Variants in AUTS2 observed in about 807,000 individuals in gnomAD.
AUTS2 encodes the protein activator of transcription and developmental regulator AUTS2.
Under a neutral mutation model 112.4 loss-of-function variants are expected in AUTS2, and 17 were observed. The observed-to-expected ratio is 0.15, with a 90% CI of 0.10 to 0.23. AUTS2 has a LOEUF of 0.23. Ranked by LOEUF, AUTS2 falls within the 10% of genes least tolerant of loss-of-function variation. The pLI is 1.00. For synonymous variants in AUTS2, 751 were observed against 702.7 expected, an observed-to-expected ratio of 1.07 and a Z score of -1.09; for missense variants, 1,510 against 1,701.6, an observed-to-expected ratio of 0.89 and a Z score of 1.98.
intron 4 of AUTS2, among the ~76,000 whole-genome samples, chr7:70,282,411 G>C (rs1216366510): frequency 6.6e-6 from 1 of 152,088 alleles, no homozygotes; most frequent in Non-Finnish European, 1.5e-5. Flanking sequence ...GTGGAGGCTG[G>C]GAATTACAAG....
At chr7:69,659,518 T>TA (rs1795691918) in intron 1 of AUTS2, among the ~76,000 whole-genome samples, 1 of 150,068 alleles carries the variant, frequency 6.7e-6, no homozygotes, top group East Asian at 2.0e-4. Flanking sequence ...GATGGATACT[T>TA]ACAACAGCTC....
At chr7:70,051,305 C>T (rs1362479815) in intron 2 of AUTS2, among the ~76,000 whole-genome samples, 1 of 152,158 alleles carries the variant, frequency 6.6e-6, no homozygotes, top group Non-Finnish European at 1.5e-5. Context: ...AAATCTGTAA[C>T]AGTTTTCTTA....
At chr7:70,783,399 T>A (rs1791222255) in intron 15 of AUTS2, 1 of 149,172 alleles carries the variant, frequency 6.7e-6, no homozygotes, top group Non-Finnish European at 1.5e-5. Flanking sequence ...TGGCTTCCTC[T>A]CCAAACCCAG....
At chr7:70,604,804 T>C (rs1803647749) in intron 5 of AUTS2, among the ~76,000 whole-genome samples, 1 of 152,226 alleles carries the variant, frequency 6.6e-6, no homozygotes, top group African/African-American at 2.4e-5. Flanking sequence ...CCATGTGGCA[T>C]CTAGCTGCAA....
intron 1 of AUTS2, among the ~76,000 whole-genome samples, chr7:69,703,542 A>T (rs1278660162): frequency 1.3e-5 from 2 of 152,190 alleles, no homozygotes; most frequent in Non-Finnish European, 2.9e-5. Flanking sequence ...TCAAGCCTAG[A>T]TTTAGAGCTG....
chr7:70,258,776 G>T (rs916708997), intron 4 of AUTS2, among the ~76,000 whole-genome samples: 3 of 152,166 alleles, frequency 2.0e-5, no homozygotes, highest in African/African-American at 2.4e-5. Context: ...CTTCAAAAGT[G>T]ACTAGAAACC....
At chr7:70,652,079 T>C (rs1806537830) in intron 5 of AUTS2, among the ~76,000 whole-genome samples, 1 of 152,286 alleles carries the variant, frequency 6.6e-6, no homozygotes, top group African/African-American at 2.4e-5. Context: ...CTGTGTCTAT[T>C]TGGAAAGCTG....
chr7:70,783,798 G>T (rs368586384), intron 15 of AUTS2: 1 of 152,058 alleles, frequency 6.6e-6, no homozygotes, highest in Non-Finnish European at 1.5e-5. Flanking sequence ...CAAATCTCTC[G>T]TCTAGGACAA....
At chr7:69,728,817 C>G (rs1192741415) in intron 1 of AUTS2, among the ~76,000 whole-genome samples, 1 of 151,762 alleles carries the variant, frequency 6.6e-6, no homozygotes, top group Non-Finnish European at 1.5e-5. Flanking sequence ...TCAAAGATAG[C>G]AGAGCTTTAA....
intron 4 of AUTS2, among the ~76,000 whole-genome samples, chr7:70,299,146 A>G (rs965017608): frequency 2.0e-5 from 3 of 152,208 alleles, no homozygotes; most frequent in Admixed American, 6.5e-5. Context: ...AAAGATTGCA[A>G]TGTTTTGGGC....
chr7:70,416,910 G>A (rs1795009617), intron 4 of AUTS2, among the ~76,000 whole-genome samples: 1 of 152,202 alleles, frequency 6.6e-6, no homozygotes, highest in South Asian at 2.1e-4. Flanking sequence ...GTACCAAGTT[G>A]CTGGAATGCC....
chr7:69,995,479 CA>C (rs1179861671), intron 2 of AUTS2, among the ~76,000 whole-genome samples: 1 of 152,194 alleles, frequency 6.6e-6, no homozygotes, highest in Non-Finnish European at 1.5e-5. Context: ...TGAAGGAGGA[CA>C]TTTTTCAGAA....
intron 2 of AUTS2, among the ~76,000 whole-genome samples, chr7:70,013,730 G>GT (rs58995367): frequency 3.3e-5 from 5 of 152,034 alleles, no homozygotes; most frequent in Non-Finnish European, 5.9e-5. Flanking sequence ...TTTTGTTTTT[G>GT]TTTTTTGAGA....
chr7:69,926,811 GATATATAAGATATATAGT>G (rs1171863117), intron 2 of AUTS2, among the ~76,000 whole-genome samples: 3 of 143,516 alleles, frequency 2.1e-5, no homozygotes, highest in East Asian at 2.0e-4. Context: ...TATATATAAA[GATATATAAGATATATAGT>G]ATATATAAGA....
intron 5 of AUTS2, among the ~76,000 whole-genome samples, chr7:70,575,182 T>A (rs1028659781): frequency 2.0e-5 from 3 of 152,214 alleles, no homozygotes; most frequent in Middle Eastern, 3.2e-3. Flanking sequence ...TCCCCATCTG[T>A]TCACTGCAGT....
At chr7:70,349,144 C>T (rs1301836381) in intron 4 of AUTS2, among the ~76,000 whole-genome samples, 1 of 152,146 alleles carries the variant, frequency 6.6e-6, no homozygotes, top group Non-Finnish European at 1.5e-5. Flanking sequence ...AGCTAAGTAA[C>T]TTGCCAAAGC....
chr7:70,079,357 A>T (rs545700024), intron 2 of AUTS2, among the ~76,000 whole-genome samples: 5 of 151,956 alleles, frequency 3.3e-5, no homozygotes, highest in Admixed American at 6.6e-5. Context: ...AAATAATTAG[A>T]TGGGTATGGT....
intron 1 of AUTS2, among the ~76,000 whole-genome samples, chr7:69,618,931 A>C (rs533638830): frequency 6.6e-6 from 1 of 152,000 alleles, no homozygotes; most frequent in Non-Finnish European, 1.5e-5. Flanking sequence ...AAGTCCTTGT[A>C]CCTCTGGGAG....
intron 5 of AUTS2, among the ~76,000 whole-genome samples, chr7:70,454,662 C>T (rs188381443): frequency 1.6e-4 from 24 of 152,210 alleles, no homozygotes; most frequent in Non-Finnish European, 3.5e-4. Context: ...TGCGACTGAG[C>T]GTTTCCCTGC....
Sources: gnomAD v4.1 joint callset for allele counts (sites outside exome capture counted in the v4.1 genomes callset) on GRCh38, gnomAD v4.1.1 for gene constraint, MANE v1.5 for transcripts, NCBI Gene and HGNC (gene_info 2026-07-23, HGNC 2026-07-21) for gene names.